ARID1A: variants seen among roughly 807,000 people sequenced by gnomAD.
The protein encoded by ARID1A is AT-rich interactive domain-containing protein 1A.
ARID1A carries 20 observed loss-of-function variants against 212.6 expected under a neutral mutation model. The observed-to-expected ratio is 0.09, with a 90% confidence interval of 0.07 to 0.14. The LOEUF (loss-of-function observed/expected upper bound fraction) is 0.14. Among genes scored for constraint, ARID1A ranks in the 10% least tolerant of loss-of-function variants. ARID1A has a pLI of 1.00. For synonymous variants in ARID1A, 1,376 were observed against 1,222.1 expected, an observed-to-expected ratio of 1.13 and a Z score of -2.63; for missense variants, 2,587 against 3,059.0, an observed-to-expected ratio of 0.85 and a Z score of 3.64.
At chr1:26,747,090 CA>C (rs1570590176) in intron 4 of ARID1A, among the ~76,000 whole-genome samples, 2 of 152,114 alleles carry the variant, frequency 1.3e-5, no homozygotes, top group East Asian at 3.8e-4. Context: ...CCTGATAAAT[CA>C]AGCGTAGAAT....
At chr1:26,775,338 A>G in intron 18 of ARID1A, 118 bp downstream of exon 18, 6 of 1,453,072 alleles carry the variant, frequency 4.1e-6, no homozygotes, top group Non-Finnish European at 5.4e-6. Flanking sequence ...CTAAAATAGA[A>G]CCAAAGAACT....
Position 26,729,688 on chromosome 1 carries a change from C to T in ARID1A, c.1175C>T (p.Pro392Leu), listed in dbSNP as rs199906671. Reference sequence around the variant, plus strand: ...ATGGATCAGATGGGCAAGATGAGACCTCAGCCATATGGCGGGACTAACCCA... The same window carrying T: ...ATGGATCAGATGGGCAAGATGAGACTTCAGCCATATGGCGGGACTAACCCA... ...SPMDQMGKMR[P>L]QPYGGTNPYS... Residue 392 changes from proline to leucine, a missense_variant, in exon 2 of 20, where the codon CCT (proline) becomes CTT (leucine). Around this residue, in one of 11 missense-constraint regions of ARID1A, gnomAD observed 674 missense variants for 813.4 expected, o/e 0.83. Coordinates refer to ENST00000324856, the MANE Select transcript of ARID1A (RefSeq NM_006015.6). 2 of 1,614,208 alleles carry T rather than the reference C, an allele frequency of 1.2e-6. No individual in the cohort carries two copies. The highest frequency in any genetic ancestry group is 1.7e-6 in the Non-Finnish European group (2 of 1,180,046).
chr1:26,735,800 C>T (rs2080723502), intron 4 of ARID1A, among the ~76,000 whole-genome samples: 1 of 152,180 alleles, frequency 6.6e-6, no homozygotes, highest in Non-Finnish European at 1.5e-5. Context: ...CTGCCTTGCT[C>T]TTGGCTTTCT....
chr1:26,731,201 A>G lies in ARID1A; in HGVS notation c.1400A>G (p.Gln467Arg), dbSNP rs756153129. The change falls in exon 3 of 20, where the codon CAG (glutamine) becomes CGG (arginine). Residue 467 changes from glutamine (Q) to arginine (R), a missense_variant. Physicochemically the swap from Gln to Arg is conservative, Grantham distance 43. This residue lies in a region of ARID1A where 674 missense variants were observed against 813.4 expected (regional missense o/e 0.83). Transcript: ENST00000324856. Reference sequence around the variant, plus strand: ...CCCAGCGGGTATGGTCAACAGGGCCAGACTCCATATTACAACCAGCAAAGT... The same window carrying G: ...CCCAGCGGGTATGGTCAACAGGGCCGGACTCCATATTACAACCAGCAAAGT... ...QGPSGYGQQG[Q>R]TPYYNQQSPH... 1.2e-6 allele frequency: 2 copies of G among 1,614,040 alleles called. No homozygotes were observed. The highest frequency in any genetic ancestry group is 1.7e-6 in the Non-Finnish European group (2 of 1,179,998).
chr1:26,697,198 C>G lies in ARID1A; in HGVS notation c.795C>G (p.Ser265=). The G allele has an allele frequency of 1.4e-6, 2 of 1,421,182 alleles. No individual in the cohort carries two copies. The highest frequency in any genetic ancestry group is 1.8e-6 in the Non-Finnish European group (2 of 1,094,192). The allele number at this position is 1,421,182 out of a possible 1,614,324, so 88.0% of individuals were successfully genotyped here. ...SSASASSSSS[S]FAQQRFGAMG... Reference sequence around the variant, plus strand: ...CCTCCGCCTCCTCGTCGTCTTCGTCCTTCGCTCAGCAGCGCTTCGGGGCCA... The same window carrying G: ...CCTCCGCCTCCTCGTCGTCTTCGTCGTTCGCTCAGCAGCGCTTCGGGGCCA... Residue 265 remains serine, a synonymous_variant, in exon 1 of 20, where the codon TCC becomes TCG. Transcript: ENST00000324856.
rs2080985030 is a variant in ARID1A, at chr1:26,760,858, T to A, written c.1923T>A (p.Asp641Glu). 6.2e-7 allele frequency: 1 copy of A among 1,611,274 alleles called. No homozygotes were observed. Among genetic ancestry groups the A allele is most frequent in the East Asian group, 2.2e-5 (1 of 44,872 alleles). ...ATGTTCTTATATATATGTTCTAGGA[T>A]CTATCTGGTTCAATAGATGACCTCC... The part of the protein sequence containing the change: ...SLQSRPSSLP[D>E]LSGSIDDLPM... Residue 641 changes from aspartate to glutamate, a missense_variant and splice_region_variant, in exon 5 of 20, where the codon GAT (aspartate) becomes GAA (glutamate). Physicochemically the swap from Asp to Glu is conservative, Grantham distance 45 (BLOSUM62 2). Transcript: ENST00000324856.
rs888090260 is a variant in ARID1A, at chr1:26,696,291, CGCCCGGGCGGGTGGGGAGGGCA to C, written c.-105_-84del. On this transcript the variant is annotated 5_prime_UTR_variant, in exon 1 of 20. Transcript: ENST00000324856. ...CGCAGCAGCGGAGCCCCGCGAGGCCCGCCCGGGCGGGTGGGGAGGGCAGCCCGGGGGACTGGGCCCCGGGGCG... is the reference window on the plus strand; with the variant it reads ...CGCAGCAGCGGAGCCCCGCGAGGCCCGCCCGGGGGACTGGGCCCCGGGGCG... 2.6e-6 allele frequency: 3 copies of C among 1,167,424 alleles called. No individual in the cohort carries two copies. The highest frequency in any genetic ancestry group is 4.3e-5 in the South Asian group (1 of 23,218). The allele number at this position is 1,167,424 out of a possible 1,614,324, so 72.3% of individuals were successfully genotyped here. A position where few individuals can be genotyped will look rare whatever the true frequency, so the allele number is the denominator to read the frequency against.
intron 1 of ARID1A, among the ~76,000 whole-genome samples, chr1:26,715,446 C>T (rs1482927818): frequency 6.6e-6 from 1 of 152,174 alleles, no homozygotes; most frequent in African/African-American, 2.4e-5. Flanking sequence ...TCCATCCATA[C>T]CAAGGACCTT....
intron 4 of ARID1A, among the ~76,000 whole-genome samples, chr1:26,759,082 T>C (rs546483188): frequency 5.9e-5 from 9 of 152,286 alleles, no homozygotes; most frequent in African/African-American, 1.9e-4. Flanking sequence ...AGGGTCAAAG[T>C]CACTTTCAGC....
At chr1:26,732,941 A>C (rs541379585) in intron 4 of ARID1A, 149 bp downstream of exon 4, 1 of 671,398 alleles carries the variant, frequency 1.5e-6, no homozygotes, top group Non-Finnish European at 2.6e-6. Context: ...TGACTTGTAG[A>C]TGTCTGTTCT....
At chr1:26,729,296 T>C (rs2080649451) in intron 1 of ARID1A, 1 of 260,980 alleles carries the variant, frequency 3.8e-6, no homozygotes, top group Non-Finnish European at 7.5e-6. Context: ...GCATCAATTT[T>C]GGTGTGTAAC....
intron 1 of ARID1A, among the ~76,000 whole-genome samples, chr1:26,699,449 C>G (rs34585496): frequency 0.06 from 9,173 of 152,272 alleles, 335 homozygotes; most frequent in Non-Finnish European, 0.08. Flanking sequence ...TGTTCACTTA[C>G]TAGCTGTATT....
intron 1 of ARID1A, among the ~76,000 whole-genome samples, chr1:26,718,809 A>G (rs367551478): frequency 6.6e-6 from 1 of 152,232 alleles, no homozygotes; most frequent in Admixed American, 6.5e-5. Flanking sequence ...TGCAGAACCC[A>G]TGGATACAAA....
intron 4 of ARID1A, among the ~76,000 whole-genome samples, chr1:26,748,878 C>T (rs1424234881): frequency 6.6e-6 from 1 of 151,838 alleles, no homozygotes; most frequent in African/African-American, 2.4e-5. Context: ...TTTTGGAAAA[C>T]TCTCGGCCAG....
At chr1:26,754,873 C>A (rs1257197562) in intron 4 of ARID1A, among the ~76,000 whole-genome samples, 2 of 152,322 alleles carry the variant, frequency 1.3e-5, no homozygotes, top group Non-Finnish European at 2.9e-5. Context: ...GATCCCAGCA[C>A]TTTGGGAGGC....
At chr1:26,744,980 C>T (rs1002580320) in intron 4 of ARID1A, among the ~76,000 whole-genome samples, 2 of 152,168 alleles carry the variant, frequency 1.3e-5, no homozygotes, top group African/African-American at 2.4e-5. Context: ...AAATATGCTT[C>T]GTGAATAAAT....
chr1:26,774,979 G>A lies in ARID1A; in HGVS notation c.4752G>A (p.Gln1584=), dbSNP rs2081120212. 6.5e-7 allele frequency: 1 copy of A among 1,544,042 alleles called. No homozygotes were observed. The highest frequency in any genetic ancestry group is 2.0e-5 in the Admixed American group (1 of 49,702). ...CAAGCATGCAGAATCACATTCCTCA[G>A]GTATCCAGCCCTGCTCCCCTGCCCC... ...PPPSMQNHIP[Q]VSSPAPLPRP... The change falls in exon 18 of 20, where the codon CAG becomes CAA. Residue 1584 remains glutamine, a synonymous_variant. Coordinates refer to ENST00000324856, the MANE Select transcript of ARID1A (RefSeq NM_006015.6). This position sits in a 1 kb window ranked among gnomAD's most constrained non-coding sequence, Gnocchi z 5.6.
chr1:26,697,601 GC>G, intron 1 of ARID1A, 61 bp downstream of exon 1: 2 of 1,265,718 alleles, frequency 1.6e-6, no homozygotes, highest in Non-Finnish European at 2.0e-6. Context: ...GGTGGCGGCT[GC>G]GGTGAGCGGG....
In ARID1A at chr1:26,746,269, G is replaced by T. The variant is rs549905623; in HGVS notation, c.1920+13477G>T. Among the ~76,000 whole-genome samples the T allele has an allele frequency of 2.6e-5, 4 of 152,348 alleles. No individual in the cohort carries two copies. The South Asian group carries it at 8.3e-4, about 32-fold the overall frequency. On this transcript the variant is annotated intron_variant, in intron 4 of 19. Transcript: ENST00000324856. ...AGGAAGAATTCTCAAAAACTAGAAT[G>T]TCCTGATATTCCTTAGTCATCATGG... is the stretch of plus-strand genomic sequence containing the variant.
Sources: allele counts gnomAD v4.1 joint callset (sites outside exome capture counted in the v4.1 genomes callset), GRCh38; gene constraint gnomAD v4.1.1; regional missense constraint gnomAD v4.1.1; non-coding constraint Gnocchi (gnomAD v3.1); transcripts MANE v1.5; gene names NCBI Gene and HGNC (gene_info 2026-07-23, HGNC 2026-07-21).